KCNS3: variants seen among roughly 807,000 people sequenced by gnomAD.
The protein encoded by KCNS3 is potassium voltage-gated channel modifier subfamily S member 3, also known as delayed-rectifier potassium channel regulatory subunit KCNS3.
KCNS3 carries 13 observed loss-of-function variants against 31.0 expected under a neutral mutation model. That is an observed-to-expected ratio of 0.42 (90% CI 0.27 to 0.67). The LOEUF is 0.67. Ranked by LOEUF, KCNS3 falls within the 30% of genes least tolerant of loss-of-function variation. KCNS3 has a pLI of 0.25. For synonymous variants in KCNS3, 238 were observed against 241.5 expected (o/e 0.99, Z 0.13); for missense variants, 545 against 622.4 (o/e 0.88, Z 1.32).
Position 17,887,019 on chromosome 2 carries a change from C to A in KCNS3, c.-252+8213C>A, listed in dbSNP as rs1661679560. 2.0e-5 allele frequency among the ~76,000 whole-genome samples: 3 copies of A among 152,246 alleles called. 1 individual carries two copies. The highest frequency in any genetic ancestry group is 1.3e-4 in the Admixed American group (2 of 15,286). On this transcript the variant is annotated intron_variant, in intron 1 of 2. Transcript: ENST00000304101. ...TGGTGCATCTTTTTGGTGATGAGAA[C>A]CGAATTTTCTTCTCCCAGCCTCTCT... is the stretch of plus-strand genomic sequence containing the variant.
At chr2:17,878,852 T>G (rs1674571479) in intron 1 of KCNS3, 46 bp downstream of exon 1, 1 of 152,622 alleles carries the variant, frequency 6.6e-6, no homozygotes, top group East Asian at 1.9e-4. Flanking sequence ...CGGAGACTTC[T>G]CCGGGCGACC....
At chr2:17,916,279 G>C (rs1662584409) in intron 1 of KCNS3, among the ~76,000 whole-genome samples, 1 of 152,112 alleles carries the variant, frequency 6.6e-6, no homozygotes, top group South Asian at 2.1e-4. Flanking sequence ...GCAGTTCTGT[G>C]TTTCATTGGA....
chr2:17,930,574 AGCTTGT>A, intron 2 of KCNS3, among the ~76,000 whole-genome samples: 1 of 152,260 alleles, frequency 6.6e-6, no homozygotes, highest in East Asian at 1.9e-4. Context: ...AAACATGAAG[AGCTTGT>A]GCTTGAATCT....
intron 2 of KCNS3, chr2:17,919,523 T>C (rs1006511861): frequency 6.6e-6 from 1 of 152,238 alleles, no homozygotes; most frequent in African/African-American, 2.4e-5. Context: ...TCTTTTTTGC[T>C]AGTTGATGCT....
chr2:17,927,244 A>G lies in KCNS3; in HGVS notation c.-59-3706A>G, dbSNP rs1350422034. The stretch of plus-strand genomic sequence containing the variant: ...TCTGAGACCACTTCAGCCTGGGCTC[A>G]TTGTCCATATCACTACCAGCATTTT... On this transcript the variant is annotated intron_variant, in intron 2 of 2. Coordinates refer to ENST00000304101, the MANE Select transcript of KCNS3 (RefSeq NM_002252.5). Among the ~76,000 whole-genome samples, 5 of 152,212 alleles carry G rather than the reference A, an allele frequency of 3.3e-5. No homozygotes were observed. The East Asian group carries it at 7.7e-4, about 23-fold the overall frequency.
Position 17,903,906 on chromosome 2 carries a change from T to C in KCNS3, c.-251-13774T>C, listed in dbSNP as rs866772949. On this transcript the variant is annotated intron_variant, in intron 1 of 2. Coordinates refer to ENST00000304101, the MANE Select transcript of KCNS3 (RefSeq NM_002252.5). ...AAGTCTTTACTATTGTGAATAGTGCTGCAATAAACATACGCGTGCATGTGC... is the reference window on the plus strand; with the variant it reads ...AAGTCTTTACTATTGTGAATAGTGCCGCAATAAACATACGCGTGCATGTGC... Among the ~76,000 whole-genome samples, 25 of 152,346 alleles carry C rather than the reference T, an allele frequency of 1.6e-4. 1 individual carries two copies. The highest frequency in any genetic ancestry group is 6.0e-4 in the African/African-American group (25 of 41,580).
At position 17,878,681 on chromosome 2, in the gene KCNS3, G is replaced by C. The variant is rs999331507; in HGVS notation, c.-377G>C. The stretch of plus-strand genomic sequence containing the variant: ...GACCGACGGACAGACCGGCCGACGC[G>C]GGCCACCCCGCTCTCCTCGCCGCCG... On this transcript the variant is annotated 5_prime_UTR_variant, in exon 1 of 3. Coordinates refer to ENST00000304101, the MANE Select transcript of KCNS3 (RefSeq NM_002252.5). 1 of 149,996 alleles carries C rather than the reference G, an allele frequency of 6.7e-6. No homozygotes were observed. The highest frequency in any genetic ancestry group is 2.4e-5 in the African/African-American group (1 of 41,128). The allele number at this position is 149,996 out of a possible 1,614,324, so 9.3% of individuals were successfully genotyped here.
chr2:17,905,407 CAG>C (rs1415407726), intron 1 of KCNS3, among the ~76,000 whole-genome samples: 3 of 152,222 alleles, frequency 2.0e-5, no homozygotes, highest in African/African-American at 7.2e-5. Context: ...CATCTGCAAA[CAG>C]GGACAATTTG....
At chr2:17,901,742 G>T (rs1179457312) in intron 1 of KCNS3, among the ~76,000 whole-genome samples, 1 of 152,112 alleles carries the variant, frequency 6.6e-6, no homozygotes, top group Non-Finnish European at 1.5e-5. Context: ...GGCTGCAGAT[G>T]TCTTCAGCTT....
intron 1 of KCNS3, among the ~76,000 whole-genome samples, chr2:17,900,159 T>G (rs913464166): frequency 5.3e-5 from 8 of 152,108 alleles, no homozygotes; most frequent in Non-Finnish European, 8.8e-5. Context: ...TAAAAAAGAT[T>G]GTTTGCTTAT....
intron 1 of KCNS3, among the ~76,000 whole-genome samples, chr2:17,910,908 C>T (rs1662457928): frequency 6.6e-6 from 1 of 152,210 alleles, no homozygotes; most frequent in African/African-American, 2.4e-5. Flanking sequence ...AGGTCATAGG[C>T]TACTTCCTAT....
rs1192616105 is a variant in KCNS3 at position 17,932,244 on chromosome 2, C to T, written c.1236C>T (p.Tyr412=). 1 of 1,613,994 alleles carries T rather than the reference C, an allele frequency of 6.2e-7. No individual in the cohort carries two copies. The highest frequency in any genetic ancestry group is 8.5e-7 in the Non-Finnish European group (1 of 1,179,880). ...ITIIFNKFSK[Y]YQKQKDIDVD... is the part of the protein sequence containing the mutation. Reference sequence around the variant, plus strand: ...TCATCTTCAACAAGTTTTCCAAGTACTACCAGAAGCAAAAGGACATTGATG... The same window carrying T: ...TCATCTTCAACAAGTTTTCCAAGTATTACCAGAAGCAAAAGGACATTGATG... The change falls in exon 3 of 3, where the codon TAC becomes TAT. Residue 412 remains tyrosine (Y), a synonymous_variant. Transcript: ENST00000304101.
chr2:17,929,503 C>T (rs1341915515), intron 2 of KCNS3, among the ~76,000 whole-genome samples: 1 of 152,164 alleles, frequency 6.6e-6, no homozygotes, highest in Non-Finnish European at 1.5e-5. Flanking sequence ...GAAACCACCC[C>T]CATGATCCAA....
intron 1 of KCNS3, among the ~76,000 whole-genome samples, chr2:17,880,529 C>G (rs1017534880): frequency 6.6e-6 from 1 of 152,214 alleles, no homozygotes; most frequent in African/African-American, 2.4e-5. Flanking sequence ...CCATAGAACT[C>G]TGAATCCAAA....
chr2:17,914,837 T>TG (rs1271101948), intron 1 of KCNS3, among the ~76,000 whole-genome samples: 1 of 152,176 alleles, frequency 6.6e-6, no homozygotes, highest in Non-Finnish European at 1.5e-5. Flanking sequence ...CACTGTCACT[T>TG]GGAGTGTCTG....
At position 17,931,404 on chromosome 2, in the gene KCNS3, C is replaced by T. The variant is rs199665754; in HGVS notation, c.396C>T (p.Asp132=). Residue 132 remains aspartate, a synonymous_variant, in exon 3 of 3, where the codon GAC becomes GAT. Coordinates refer to ENST00000304101, the MANE Select transcript of KCNS3 (RefSeq NM_002252.5). The surrounding 1 kb of genome is among the most constrained non-coding windows in gnomAD (Gnocchi z 5.4). ...QERKEENHEK[D]WDQKSHDVST... ...GCAAGGAGGAAAACCACGAGAAGGA[C>T]TGGGACCAGAAAAGCCATGATGTGA... The T allele has an allele frequency of 1.7e-4, 272 of 1,614,164 alleles. No homozygotes were observed. The highest frequency in any genetic ancestry group is 2.2e-4 in the Non-Finnish European group (254 of 1,180,028).
At chr2:17,884,038 T>C (rs1465407420) in intron 1 of KCNS3, among the ~76,000 whole-genome samples, 2 of 130,648 alleles carry the variant, frequency 1.5e-5, no homozygotes, top group East Asian at 2.3e-4. Context: ...TTCTCACTCA[T>C]AGGTGGGAAT....
At chr2:17,897,010 C>G (rs1662044720) in intron 1 of KCNS3, among the ~76,000 whole-genome samples, 1 of 152,012 alleles carries the variant, frequency 6.6e-6, no homozygotes, top group Non-Finnish European at 1.5e-5. Context: ...AGCATAATAC[C>G]AAATAGGTAG....
chr2:17,882,354 T>C (rs1237956194), intron 1 of KCNS3, among the ~76,000 whole-genome samples: 2 of 152,242 alleles, frequency 1.3e-5, no homozygotes, highest in African/African-American at 2.4e-5. Context: ...CTGAGAGTTA[T>C]AAGCTATAGG....
Sources: gnomAD v4.1 joint callset for allele counts (sites outside exome capture counted in the v4.1 genomes callset) on GRCh38, gnomAD v4.1.1 for gene constraint, Gnocchi (gnomAD v3.1) non-coding constraint, MANE v1.5 for transcripts, NCBI Gene and HGNC (gene_info 2026-07-23, HGNC 2026-07-21) for gene names.